The following PPP4R4 variants were observed in gnomAD, a reference collection of about 807,000 sequenced individuals.
PPP4R4 encodes serine/threonine-protein phosphatase 4 regulatory subunit 4.
A neutral mutation model predicts 121.8 loss-of-function variants in PPP4R4; 70 were observed. The observed-to-expected ratio is 0.57, with a 90% CI of 0.47 to 0.70. The LOEUF (loss-of-function observed/expected upper bound fraction) is 0.70, where lower values mean the gene tolerates loss of function less well. PPP4R4 is among the 30% of genes least tolerant of loss of function. The pLI, the probability that PPP4R4 is intolerant of heterozygous loss-of-function variation, is 0.00. For synonymous variants in PPP4R4, 348 were observed against 355.7 expected, an observed-to-expected ratio of 0.98 and a Z score of 0.24; for missense variants, 875 against 1,033.6, an observed-to-expected ratio of 0.85 and a Z score of 2.10.
At chr14:94,272,713 C>T (rs1894401175) in intron 23 of PPP4R4, among the ~76,000 whole-genome samples, 1 of 152,114 alleles carries the variant, frequency 6.6e-6, no homozygotes, top group Non-Finnish European at 1.5e-5. Context: ...GAAGGCAAGC[C>T]ACTGACTGGG....
chr14:94,215,083 A>G (rs937442622), intron 3 of PPP4R4, among the ~76,000 whole-genome samples: 1 of 152,208 alleles, frequency 6.6e-6, no homozygotes, highest in Non-Finnish European at 1.5e-5. Flanking sequence ...GGTTACAAGC[A>G]TTTGGGATAA....
intron 16 of PPP4R4, among the ~76,000 whole-genome samples, chr14:94,252,406 A>G (rs1893235851): frequency 6.6e-6 from 1 of 152,204 alleles, no homozygotes; most frequent in Non-Finnish European, 1.5e-5. Flanking sequence ...GTTAAGTTGG[A>G]AGGAACAGAC....
chr14:94,244,550 C>A, intron 11 of PPP4R4, 85 bp from the exon 12 acceptor site: 1 of 1,069,638 alleles, frequency 9.3e-7, no homozygotes. Context: ...AAATATATAA[C>A]AAGGATGTAT....
In PPP4R4 at chr14:94,254,478, G is replaced by A. The variant is rs75248200; in HGVS notation, c.1866-1982G>A. Among the ~76,000 whole-genome samples the A allele has an allele frequency of 7.6e-3, 1,152 of 152,296 alleles. 16 individuals carry two copies. Among genetic ancestry groups the A allele is most frequent in the African/African-American group, 0.026 (1,084 of 41,562 alleles). ...TGTATCCGTGGTGAGCTGTGAATGA[G>A]ATTGAGACCATTGTTGCTATTTACA... On this transcript the variant is annotated intron_variant, in intron 16 of 24. Transcript: ENST00000304338.
chr14:94,261,962 G>C (rs1444436419), intron 19 of PPP4R4, among the ~76,000 whole-genome samples: 1 of 151,844 alleles, frequency 6.6e-6, no homozygotes, highest in Non-Finnish European at 1.5e-5. Flanking sequence ...AAGGGATTTT[G>C]CATCTGTATT....
intron 16 of PPP4R4, among the ~76,000 whole-genome samples, chr14:94,252,960 T>G (rs924073131): frequency 1.3e-5 from 2 of 152,338 alleles, no homozygotes; most frequent in Middle Eastern, 3.4e-3. Context: ...TATATGAAGA[T>G]GAATTGTCAA....
At chr14:94,247,261 C>T (rs1038628601) in intron 14 of PPP4R4, among the ~76,000 whole-genome samples, 1 of 152,218 alleles carries the variant, frequency 6.6e-6, no homozygotes, top group East Asian at 1.9e-4. Context: ...TCTGTGATCT[C>T]GGCACAGAAG....
intron 23 of PPP4R4, among the ~76,000 whole-genome samples, chr14:94,267,651 A>G (rs1157646872): frequency 6.6e-6 from 1 of 152,210 alleles, no homozygotes; most frequent in East Asian, 1.9e-4. Flanking sequence ...TATACTATAA[A>G]TAATGTAGAC....
chr14:94,241,092 A>T (rs555429242), intron 9 of PPP4R4, among the ~76,000 whole-genome samples: 2 of 152,150 alleles, frequency 1.3e-5, no homozygotes, highest in Non-Finnish European at 2.9e-5. Context: ...GCTCAGGCTT[A>T]TTAACTATTT....
chr14:94,192,018 A>G (rs1440190307), intron 2 of PPP4R4, among the ~76,000 whole-genome samples: 1 of 152,124 alleles, frequency 6.6e-6, no homozygotes, highest in Non-Finnish European at 1.5e-5. Flanking sequence ...AAGGATAGAA[A>G]TATACCGCTC....
rs892921096 is a variant in PPP4R4 at position 94,174,387 on chromosome 14, T to C, written c.-79T>C. 6 of 1,254,120 alleles carry C rather than the reference T, an allele frequency of 4.8e-6. No individual in the cohort carries two copies. The African/African-American group carries it at 1.0e-4, about 21-fold the overall frequency. The allele number at this position is 1,254,120 out of a possible 1,614,324, so 77.7% of individuals were successfully genotyped here. On this transcript the variant is annotated 5_prime_UTR_variant, in exon 1 of 25. Coordinates refer to ENST00000304338, the MANE Select transcript of PPP4R4 (RefSeq NM_058237.2). ...GGCCAAGAGCCGGAGAAAGTCCTGC[T>C]GGTGGGCGGCCGCGGGGCTGAGGGC...
chr14:94,252,816 A>T (rs1475286386), intron 16 of PPP4R4, among the ~76,000 whole-genome samples: 2 of 152,194 alleles, frequency 1.3e-5, no homozygotes, highest in African/African-American at 4.8e-5. Flanking sequence ...TATGCATCTG[A>T]AAGATGCATA....
intron 8 of PPP4R4, among the ~76,000 whole-genome samples, chr14:94,238,839 G>C (rs529488474): frequency 6.6e-6 from 1 of 152,270 alleles, no homozygotes; most frequent in South Asian, 2.1e-4. Context: ...GGAAATTCCA[G>C]AACAGTCATT....
In PPP4R4 at chr14:94,241,846, A is replaced by G. The variant is rs758047104; in HGVS notation, c.1035A>G (p.Thr345=). ...TGGAATTTTATAAGAAACTTTGTAC[A>G]TTGGGTTTGCAACAAGAAAATGGAC... is the stretch of plus-strand genomic sequence containing the variant. ...RFLEFYKKLC[T]LGLQQENGHN... Residue 345 remains threonine (T), a synonymous_variant, in exon 10 of 25, where the codon ACA becomes ACG. Transcript: ENST00000304338. 3.7e-6 allele frequency: 6 copies of G among 1,609,298 alleles called. No homozygotes were observed. The highest frequency in any genetic ancestry group is 2.2e-5 in the South Asian group (2 of 89,970).
At chr14:94,258,690 A>G in intron 17 of PPP4R4, 93 bp from the exon 18 acceptor site, 1 of 889,082 alleles carries the variant, frequency 1.1e-6, no homozygotes, top group Non-Finnish European at 1.8e-6. Flanking sequence ...GAAGTCTTCT[A>G]TTTGAACCTC....
chr14:94,241,235 C>G (rs1385122158), intron 9 of PPP4R4, among the ~76,000 whole-genome samples: 2 of 151,926 alleles, frequency 1.3e-5, no homozygotes, highest in African/African-American at 4.8e-5. Context: ...CTTTCCGTAT[C>G]GATGTGAGAT....
chr14:94,208,778 T>A (rs1890592666), intron 3 of PPP4R4, among the ~76,000 whole-genome samples: 1 of 152,072 alleles, frequency 6.6e-6, no homozygotes, highest in South Asian at 2.1e-4. Flanking sequence ...GTTGTAAAAT[T>A]TCTTTAGTCA....
intron 3 of PPP4R4, among the ~76,000 whole-genome samples, chr14:94,218,713 C>T (rs1376335418): frequency 8.5e-6 from 1 of 117,184 alleles, no homozygotes; most frequent in Non-Finnish European, 1.8e-5. Flanking sequence ...GCGCACACAC[C>T]CTCACCCCTA....
In PPP4R4 at chr14:94,241,907, C is replaced by T; in HGVS notation, c.1096C>T (p.Gln366Ter). ...CCAGATTCCACCCCAAATCCTAGAG[C>T]AGGAGAAGAAATATATTTCAGTACG... ...ENQIPPQILE[Q>*]EKKYISVRKN... is the part of the protein sequence containing the mutation. The change falls in exon 10 of 25, where the codon CAG becomes TAG. Residue 366 changes from glutamine to a stop codon, truncating the protein, a stop_gained. Coordinates refer to ENST00000304338, the MANE Select transcript of PPP4R4 (RefSeq NM_058237.2). LOFTEE classifies it high-confidence loss of function. 1 of 1,610,250 alleles carries T rather than the reference C, an allele frequency of 6.2e-7. No individual in the cohort carries two copies. Among genetic ancestry groups the T allele is most frequent in the Non-Finnish European group, 8.5e-7 (1 of 1,178,142 alleles).
Sources: gnomAD v4.1 joint callset for allele counts (sites outside exome capture counted in the v4.1 genomes callset) on GRCh38, gnomAD v4.1.1 for gene constraint, MANE v1.5 for transcripts, NCBI Gene and HGNC (gene_info 2026-07-23, HGNC 2026-07-21) for gene names.